The following BUD13 variants were observed in gnomAD, a reference collection of about 807,000 sequenced individuals.
BUD13 encodes BUD13 homolog.
In BUD13, 47 loss-of-function variants were observed where a neutral mutation model predicts 62.5. The ratio of observed to expected loss-of-function variants is 0.75; its 90% CI spans 0.60 to 0.96. BUD13 has a LOEUF of 0.96. Ranked by LOEUF, BUD13 falls within the 40% of genes least tolerant of loss-of-function variation. The probability of loss-of-function intolerance (pLI) is 0.00; values close to 1 mark genes in which losing one functional copy is unlikely to be tolerated. For missense variants in BUD13, 821 were observed against 790.9 expected, an observed-to-expected ratio of 1.04 and a Z score of -0.46; for synonymous variants, 293 against 280.1, an observed-to-expected ratio of 1.05 and a Z score of -0.46.
intron 1 of BUD13, among the ~76,000 whole-genome samples, chr11:116,770,969 A>G (rs1351716892): frequency 1.3e-5 from 2 of 150,768 alleles, no homozygotes; most frequent in Non-Finnish European, 3.0e-5. Flanking sequence ...ACTTTTTTGT[A>G]TTTTTTGTAG....
chr11:116,760,765 C>T lies in BUD13; in HGVS notation c.1224G>A (p.Pro408=), dbSNP rs764862821. 1.5e-5 allele frequency: 24 copies of T among 1,614,042 alleles called. No individual in the cohort carries two copies. The highest frequency in any genetic ancestry group is 1.9e-5 in the Non-Finnish European group (23 of 1,180,028). Residue 408 remains proline (P), a synonymous_variant, in exon 5 of 10, where the codon CCG becomes CCA. Coordinates refer to ENST00000260210, the MANE Select transcript of BUD13 (RefSeq NM_032725.4). ...RTKSSDSDLS[P]PRRSQPPGKK... ...TTCCAGGAGGCTGACTCCTTCGAGGCGGGGACAGGTCAGAATCAGAAGATT... is the reference window on the plus strand; with the variant it reads ...TTCCAGGAGGCTGACTCCTTCGAGGTGGGGACAGGTCAGAATCAGAAGATT...
intron 2 of BUD13, among the ~76,000 whole-genome samples, chr11:116,769,898 A>G (rs1940592619): frequency 6.6e-6 from 1 of 151,938 alleles, no homozygotes; most frequent in African/African-American, 2.4e-5. Context: ...CAAAAATTAA[A>G]AAAAAAAAAT....
At chr11:116,765,047 C>T (rs1175261329) in intron 3 of BUD13, among the ~76,000 whole-genome samples, 1 of 152,132 alleles carries the variant, frequency 6.6e-6, no homozygotes, top group Non-Finnish European at 1.5e-5. Context: ...TTGTAAACTC[C>T]TCCCAAAGTC....
chr11:116,763,904 A>G (rs1292543992), intron 3 of BUD13, among the ~76,000 whole-genome samples: 1 of 152,238 alleles, frequency 6.6e-6, no homozygotes, highest in East Asian at 1.9e-4. Flanking sequence ...CCAATCACCT[A>G]CTGTGTGCCA....
intron 9 of BUD13, among the ~76,000 whole-genome samples, chr11:116,750,316 G>A (rs1392820593): frequency 1.3e-5 from 2 of 152,320 alleles, no homozygotes; most frequent in East Asian, 1.9e-4. Context: ...AGGAGGTAGT[G>A]AGTGGACCTC....
Position 116,748,335 on chromosome 11 carries a change from G to A in BUD13, c.*147C>T, listed in dbSNP as rs11556024. ...TACCTCAGTCCAAACATCAGGTCTC[G>A]AATATTCTTCTGTGGTCAAAACTGG... On this transcript the variant is annotated 3_prime_UTR_variant, in exon 10 of 10. Coordinates refer to ENST00000260210, the MANE Select transcript of BUD13 (RefSeq NM_032725.4). The A allele has an allele frequency of 0.03, 19,893 of 669,988 alleles. 923 individuals carry two copies. The highest frequency in any genetic ancestry group is 0.18 in the East Asian group (6,383 of 36,418). 41.5% of individuals were successfully genotyped at this position (669,988 alleles called of 1,614,324 possible). A position where few individuals can be genotyped will look rare whatever the true frequency, so the allele number is the denominator to read the frequency against.
At chr11:116,771,864 T>C (rs938130174) in intron 1 of BUD13, among the ~76,000 whole-genome samples, 2 of 152,164 alleles carry the variant, frequency 1.3e-5, no homozygotes, top group African/African-American at 4.8e-5. Flanking sequence ...CAACAGAAAC[T>C]CTCTCGCAGT....
At position 116,770,279 on chromosome 11, in the gene BUD13, T is replaced by C. The variant is rs1485144229; in HGVS notation, c.144-57A>G. ...ATTCTAGGATACCAGCATAAAAACA[T>C]TTATCTATTGGTTTTAAAATAAAGT... On this transcript the variant is annotated intron_variant, in intron 1 of 9. Coordinates refer to ENST00000260210, the MANE Select transcript of BUD13 (RefSeq NM_032725.4). 31 of 1,452,754 alleles carry C rather than the reference T, an allele frequency of 2.1e-5. 1 individual carries two copies. The Middle Eastern group carries it at 8.8e-4, about 41-fold the overall frequency. 90.0% of individuals were successfully genotyped at this position (1,452,754 alleles called of 1,614,324 possible). A position where few individuals can be genotyped will look rare whatever the true frequency, so the allele number is the denominator to read the frequency against.
chr11:116,771,384 A>G (rs117579298), intron 1 of BUD13, among the ~76,000 whole-genome samples: 7,366 of 152,286 alleles, frequency 0.048, 254 homozygotes, highest in Admixed American at 0.1. Context: ...AATACGAAAT[A>G]TTCAATAAAT....
intron 3 of BUD13, among the ~76,000 whole-genome samples, chr11:116,764,953 TGGTCC>T: frequency 6.6e-6 from 1 of 152,274 alleles, no homozygotes; most frequent in South Asian, 2.1e-4. Flanking sequence ...CAAAATACAC[TGGTCC>T]TTGACCCCCC....
chr11:116,772,817 C>T lies in BUD13; in HGVS notation c.143+5G>A. 1 of 1,573,860 alleles carries T rather than the reference C, an allele frequency of 6.4e-7. No homozygotes were observed. The stretch of plus-strand genomic sequence containing the variant: ...CAGGCCCCGCCCCGGCCGGTACCAA[C>T]TCACCCCTTGCCGCCGGCCCCGCCA... On this transcript the variant is annotated splice_donor_5th_base_variant and intron_variant, in intron 1 of 9. Transcript: ENST00000260210.
intron 9 of BUD13, among the ~76,000 whole-genome samples, chr11:116,752,117 G>A (rs2134171096): frequency 6.6e-6 from 1 of 152,130 alleles, no homozygotes; most frequent in Admixed American, 6.5e-5. Context: ...CTAATTTTTT[G>A]TATTTTTTTT....
In BUD13 at chr11:116,772,697, G is replaced by A. The variant is rs1940652478; in HGVS notation, c.143+125C>T. The A allele has an allele frequency of 3.8e-6, 5 of 1,310,458 alleles. 1 individual carries two copies. Among genetic ancestry groups the A allele is most frequent in the African/African-American group, 1.6e-5 (1 of 64,324 alleles). The allele number at this position is 1,310,458 out of a possible 1,614,324, so 81.2% of individuals were successfully genotyped here. A position where few individuals can be genotyped will look rare whatever the true frequency, so the allele number is the denominator to read the frequency against. On this transcript the variant is annotated intron_variant, in intron 1 of 9. Coordinates refer to ENST00000260210, the MANE Select transcript of BUD13 (RefSeq NM_032725.4). ...GCGATGTGAGTGGGGCCCTGAGCAT[G>A]AGCAGGGGTCGGCGGAGAAGCCGAG...
chr11:116,772,921 C>G lies in BUD13; in HGVS notation c.44G>C (p.Arg15Pro). The change falls in exon 1 of 10, where the codon CGT (arginine) becomes CCT (proline). Residue 15 changes from arginine (R) to proline (P), a missense_variant. Coordinates refer to ENST00000260210, the MANE Select transcript of BUD13 (RefSeq NM_032725.4). ...GCCGGCATCTGCCCCGGACAAGTAA[C>G]GCTTCAGATACTCGGCCTTGGAAAG... ...PPLSKAEYLKRYLSGADAGVD... is the reference protein window; with the variant it reads ...PPLSKAEYLKPYLSGADAGVD... The G allele has an allele frequency of 6.3e-7, 1 of 1,588,144 alleles. No individual in the cohort carries two copies. Among genetic ancestry groups the G allele is most frequent in the Non-Finnish European group, 8.6e-7 (1 of 1,167,764 alleles).
intron 9 of BUD13, among the ~76,000 whole-genome samples, chr11:116,750,351 C>A (rs1940211750): frequency 6.6e-6 from 1 of 152,200 alleles, no homozygotes; most frequent in Non-Finnish European, 1.5e-5. Flanking sequence ...ACCATGCATT[C>A]TCTTGGTCTT....
rs1479108093 is a variant in BUD13 at position 116,772,868 on chromosome 11, T to G, written c.97A>C (p.Lys33Gln). The G allele has an allele frequency of 6.3e-7, 1 of 1,591,824 alleles. No individual in the cohort carries two copies. Among genetic ancestry groups the G allele is most frequent in the South Asian group, 1.1e-5 (1 of 88,684 alleles). The change falls in exon 1 of 10, where the codon AAG (lysine) becomes CAG (glutamine). Residue 33 changes from lysine (K) to glutamine (Q), a missense_variant. Lys to Gln is a moderately conservative substitution (Grantham distance 53, BLOSUM62 1). Transcript: ENST00000260210. ...GGCTTCGGCCGCTTTTTGCGACGCT[T>G]GCGACCGGACTCAGATCCCCGGTCG... ...GVDRGSESGR[K>Q]RRKKRPKPGG...
intron 1 of BUD13, 116 bp from the exon 2 acceptor site, chr11:116,770,338 T>C: frequency 2.5e-6 from 2 of 805,834 alleles, no homozygotes; most frequent in African/African-American, 1.8e-5. Context: ...TGGTCCAGTC[T>C]TTGTCTACAA....
chr11:116,758,588 T>A (rs1211717155), intron 6 of BUD13, among the ~76,000 whole-genome samples, 181 bp from the exon 7 acceptor site: 2 of 143,810 alleles, frequency 1.4e-5, no homozygotes, highest in South Asian at 2.3e-4. Context: ...TTTTCCTTTT[T>A]TTTTTTTTTT....
intron 2 of BUD13, 29 bp from the exon 3 acceptor site, chr11:116,765,475 GA>G (rs754269081): frequency 2.5e-6 from 4 of 1,612,234 alleles, no homozygotes. Flanking sequence ...CCTATCTTAG[GA>G]AATCCACAGG....
Sources: allele counts gnomAD v4.1 joint callset (sites outside exome capture counted in the v4.1 genomes callset), GRCh38; gene constraint gnomAD v4.1.1; transcripts MANE v1.5; gene names NCBI Gene and HGNC (gene_info 2026-07-23, HGNC 2026-07-21).